Variants in ANKRD55 observed in about 807,000 individuals in gnomAD.
The protein encoded by ANKRD55 is ankyrin repeat domain 55.
ANKRD55 carries 41 observed loss-of-function variants against 60.6 expected under a neutral mutation model. The ratio of observed to expected loss-of-function variants is 0.68; its 90% CI spans 0.53 to 0.88. ANKRD55 has a LOEUF of 0.88. Among genes scored for constraint, ANKRD55 ranks in the 40% least tolerant of loss-of-function variants. The pLI is 0.00. For missense variants in ANKRD55, 732 were observed against 767.6 expected, an observed-to-expected ratio of 0.95 and a Z score of 0.55; for synonymous variants, 264 against 290.3, an observed-to-expected ratio of 0.91 and a Z score of 0.92.
intron 10 of ANKRD55, among the ~76,000 whole-genome samples, chr5:56,108,533 G>C (rs1195089501): frequency 3.9e-5 from 6 of 152,134 alleles, no homozygotes; most frequent in African/African-American, 1.4e-4. Context: ...GTTTTTCTCA[G>C]ACATCAGGAA....
At chr5:56,121,931 G>T (rs1757077821) in intron 8 of ANKRD55, among the ~76,000 whole-genome samples, 1 of 152,138 alleles carries the variant, frequency 6.6e-6, no homozygotes, top group South Asian at 2.1e-4. Context: ...TGTTTTCTAG[G>T]AGGTCAAGGC....
At chr5:56,116,418 C>T (rs535900828) in intron 9 of ANKRD55, among the ~76,000 whole-genome samples, 197 bp downstream of exon 9, 47 of 152,280 alleles carry the variant, frequency 3.1e-4, no homozygotes, top group African/African-American at 1.1e-3. Context: ...GCTCCAAGAG[C>T]ACTTTATTCT....
Position 56,183,530 on chromosome 5 carries a change from C to T in ANKRD55, c.163G>A (p.Glu55Lys). 1 of 1,614,166 alleles carries T rather than the reference C, an allele frequency of 6.2e-7. No individual in the cohort carries two copies. The highest frequency in any genetic ancestry group is 1.1e-5 in the South Asian group (1 of 91,064). ...ATCTCACCTTCACTGTCACAGCATT[C>T]TAGGATAGAAGGGTCTTCCCGAATC... ...AVIREDPSIL[E>K]CCDSEGCTPL... The change falls in exon 3 of 12, where the codon GAA (glutamate) becomes AAA (lysine). Residue 55 changes from glutamate to lysine, a missense_variant. Transcript: ENST00000341048.
At chr5:56,181,043 T>G (rs1012881493) in intron 3 of ANKRD55, among the ~76,000 whole-genome samples, 2 of 152,108 alleles carry the variant, frequency 1.3e-5, no homozygotes, top group African/African-American at 4.8e-5. Context: ...CTACTAAAAA[T>G]ACACAAATTA....
At chr5:56,155,419 A>C (rs139789826) in intron 6 of ANKRD55, among the ~76,000 whole-genome samples, 1 of 152,192 alleles carries the variant, frequency 6.6e-6, no homozygotes, top group African/African-American at 2.4e-5. Flanking sequence ...AGGTTACTTT[A>C]GGTTACTTTT....
intron 7 of ANKRD55, among the ~76,000 whole-genome samples, chr5:56,135,211 TTTCCTTCCTTCCTTCCTTCC>T (rs201467096): frequency 0.36 from 42,038 of 118,248 alleles, 7,899 homozygotes; most frequent in Middle Eastern, 0.51. Context: ...GTCTCACAAC[TTTCCTTCCTTCCTTCCTTCC>T]TTCCTTCCTT....
chr5:56,116,863 C>T, intron 8 of ANKRD55, 81 bp from the exon 9 acceptor site: 1 of 1,400,528 alleles, frequency 7.1e-7, no homozygotes. Context: ...AGCTCCTGCT[C>T]AAAGTCAGGT....
chr5:56,110,389 A>T (rs1452703315), intron 10 of ANKRD55, among the ~76,000 whole-genome samples: 2 of 152,204 alleles, frequency 1.3e-5, no homozygotes, highest in East Asian at 3.8e-4. Flanking sequence ...ACAGAGTGTG[A>T]CCTTGTCTCA....
At chr5:56,102,352 T>C in intron 11 of ANKRD55, 142 bp downstream of exon 11, 2 of 496,854 alleles carry the variant, frequency 4.0e-6, no homozygotes, top group South Asian at 2.4e-5. Context: ...ATCATGTTCA[T>C]TGCACTCTAG....
rs144108986 is a variant in ANKRD55, at chr5:56,176,243, G to A, written c.221C>T (p.Ala74Val). Residue 74 changes from alanine to valine, a missense_variant, in exon 4 of 12, where the codon GCG becomes GTG. Physicochemically the swap from Ala to Val is moderately conservative, Grantham distance 64. Coordinates refer to ENST00000341048, the MANE Select transcript of ANKRD55 (RefSeq NM_024669.3). Reference protein sequence around the residue: ...PLMHAVSGRQADTVKLLLKMG... With the variant: ...PLMHAVSGRQVDTVKLLLKMG... ...CTTCAACAGCAGCTTCACTGTGTCC[G>A]CTTGACGTCCAGAAACCGCATGCAT... The A allele has an allele frequency of 6.9e-5, 111 of 1,614,072 alleles. No individual in the cohort carries two copies. The highest frequency in any genetic ancestry group is 8.7e-5 in the Non-Finnish European group (103 of 1,180,046).
At chr5:56,170,302 T>G (rs1472720818) in intron 5 of ANKRD55, among the ~76,000 whole-genome samples, 1 of 152,224 alleles carries the variant, frequency 6.6e-6, no homozygotes, top group Admixed American at 6.5e-5. Flanking sequence ...CACTAGAATA[T>G]AAGCTCTGTG....
At chr5:56,216,972 G>A (rs1023390116) in intron 2 of ANKRD55, among the ~76,000 whole-genome samples, 1 of 152,206 alleles carries the variant, frequency 6.6e-6, no homozygotes, top group Admixed American at 6.5e-5. Context: ...TCTATTGGGA[G>A]AAGATGCCAC....
intron 3 of ANKRD55, among the ~76,000 whole-genome samples, chr5:56,181,741 C>T (rs1007491202): frequency 2.0e-5 from 3 of 152,186 alleles, no homozygotes; most frequent in Non-Finnish European, 2.9e-5. Context: ...AGGCTTATGC[C>T]ACCGTACCCA....
chr5:56,166,103 T>C (rs1758449970), intron 5 of ANKRD55, among the ~76,000 whole-genome samples: 1 of 50,732 alleles, frequency 2.0e-5, no homozygotes, highest in Admixed American at 2.1e-4. Context: ...TCTTTCTTTC[T>C]TTCTTTCTTT....
chr5:56,149,347 T>C (rs765333964), intron 6 of ANKRD55, among the ~76,000 whole-genome samples: 5 of 152,168 alleles, frequency 3.3e-5, no homozygotes, highest in Admixed American at 6.5e-5. Context: ...CTCCCTGTAA[T>C]AATTATAAGA....
chr5:56,100,275 G>A lies in ANKRD55; in HGVS notation c.1753C>T (p.Arg585Ter), dbSNP rs368988423. The change falls in exon 12 of 12, where the codon CGA (arginine) becomes TGA (stop). Residue 585 changes from arginine to a stop codon, truncating the protein, a stop_gained. Coordinates refer to ENST00000341048, the MANE Select transcript of ANKRD55 (RefSeq NM_024669.3). LOFTEE classifies it low-confidence loss of function (END_TRUNC). ...TGACTTGGAATTGCAGGAAGCACTC[G>A]GTTTGTCCGCAGAGGTTCTCCAGAT... is the stretch of plus-strand genomic sequence containing the variant. Reference protein sequence around the residue: ...FLSGEPLRTNRVLPAIPSQRR... With the variant: ...FLSGEPLRTN 1.9e-6 allele frequency: 3 copies of A among 1,614,110 alleles called. No individual in the cohort carries two copies. The highest frequency in any genetic ancestry group is 1.1e-5 in the South Asian group (1 of 91,080).
chr5:56,221,761 C>T (rs1014434792), intron 2 of ANKRD55, among the ~76,000 whole-genome samples: 2 of 152,230 alleles, frequency 1.3e-5, no homozygotes, highest in African/African-American at 4.8e-5. Context: ...GCACAGCAGT[C>T]TGAGATCAAA....
Position 56,116,717 on chromosome 5 carries a change from C to T in ANKRD55, c.863G>A (p.Gly288Glu). The T allele has an allele frequency of 6.2e-7, 1 of 1,614,016 alleles. No individual in the cohort carries two copies. Among genetic ancestry groups the T allele is most frequent in the Non-Finnish European group, 8.5e-7 (1 of 1,179,954 alleles). The change falls in exon 9 of 12, where the codon GGA becomes GAA. Residue 288 changes from glycine to glutamate, a missense_variant. Transcript: ENST00000341048. ...AECVQSLLEL[G>E]MDSNLRDINE... Reference sequence around the variant, plus strand: ...GATGTCCCGCAGGTTGCTGTCCATTCCCAACTCCAGCAGTGACTGGACACA... The same window carrying T: ...GATGTCCCGCAGGTTGCTGTCCATTTCCAACTCCAGCAGTGACTGGACACA...
chr5:56,181,740 C>A (rs879405792), intron 3 of ANKRD55, among the ~76,000 whole-genome samples: 20 of 152,284 alleles, frequency 1.3e-4, no homozygotes, highest in Admixed American at 1.3e-3. Flanking sequence ...CAGGCTTATG[C>A]CACCGTACCC....
Sources: gnomAD v4.1 joint callset for allele counts (sites outside exome capture counted in the v4.1 genomes callset) on GRCh38, gnomAD v4.1.1 for gene constraint, MANE v1.5 for transcripts, NCBI Gene and HGNC (gene_info 2026-07-23, HGNC 2026-07-21) for gene names.